Variants in RTN3 observed in about 807,000 individuals in gnomAD.
RTN3 encodes reticulon-3.
In RTN3, 49 loss-of-function variants were observed where a neutral mutation model predicts 77.8. The observed-to-expected ratio is 0.63, with a 90% confidence interval of 0.50 to 0.80. The LOEUF (loss-of-function observed/expected upper bound fraction) is 0.80, where lower values mean the gene tolerates loss of function less well. Among genes scored for constraint, RTN3 ranks in the 30% least tolerant of loss-of-function variants. RTN3 has a pLI of 0.00. For missense variants in RTN3, 1,236 were observed against 1,211.9 expected, an observed-to-expected ratio of 1.02 and a Z score of -0.29; for synonymous variants, 464 against 446.9, an observed-to-expected ratio of 1.04 and a Z score of -0.48.
Position 63,759,103 on chromosome 11 carries a change from A to G in RTN3, c.*902A>G, listed in dbSNP as rs1405941701. 2 of 152,198 alleles carry G rather than the reference A, an allele frequency of 1.3e-5. No individual in the cohort carries two copies. Among genetic ancestry groups the G allele is most frequent in the Admixed American group, 6.5e-5 (1 of 15,280 alleles). 9.4% of individuals were successfully genotyped at this position (152,198 alleles called of 1,614,324 possible). A position where few individuals can be genotyped will look rare whatever the true frequency, so the allele number is the denominator to read the frequency against. On this transcript the variant is annotated 3_prime_UTR_variant, in exon 9 of 9. Transcript: ENST00000377819. ...TGTAAACTTGTTAGAGAAAAAAATA[A>G]CCTGCATGTGGGCTCCTCAGTTATT...
chr11:63,748,859 C>T (rs2013949395), intron 3 of RTN3, among the ~76,000 whole-genome samples: 1 of 151,414 alleles, frequency 6.6e-6, no homozygotes, highest in Admixed American at 6.6e-5. Flanking sequence ...TAGAGACTGG[C>T]TTTTCACCAT....
intron 3 of RTN3, 63 bp downstream of exon 3, chr11:63,721,095 C>T (rs2011758611): frequency 7.1e-7 from 1 of 1,412,078 alleles, no homozygotes; most frequent in Non-Finnish European, 9.6e-7. Flanking sequence ...TATCAGCGTG[C>T]CATTTATGTT....
chr11:63,691,273 A>G (rs949559855), intron 1 of RTN3, among the ~76,000 whole-genome samples: 4 of 151,992 alleles, frequency 2.6e-5, no homozygotes, highest in Non-Finnish European at 5.9e-5. Context: ...GGCATGTGCC[A>G]CCATGCCCAG....
chr11:63,718,930 C>A lies in RTN3; in HGVS notation c.428C>A (p.Ser143Tyr), dbSNP rs2011556656. 1.9e-6 allele frequency: 3 copies of A among 1,614,120 alleles called. No homozygotes were observed. The highest frequency in any genetic ancestry group is 2.5e-6 in the Non-Finnish European group (3 of 1,180,054). The change falls in exon 3 of 9, where the codon TCT becomes TAT. Residue 143 changes from serine (S) to tyrosine (Y), a missense_variant. By Grantham distance (144) the Ser-to-Tyr change is moderately radical. Around this residue, in one of 3 missense-constraint regions of RTN3, gnomAD observed 1,056 missense variants for 990.4 expected, o/e 1.07. Coordinates refer to ENST00000377819, the MANE Select transcript of RTN3 (RefSeq NM_001265589.2). ...GGGACCAGCAACAACGTATCAGACT[C>A]TTCAGTTTCTCTTGCAGCAGGAGTT... ...PQGTSNNVSD[S>Y]SVSLAAGVHC...
intron 1 of RTN3, among the ~76,000 whole-genome samples, chr11:63,685,812 C>T (rs1440946185): frequency 6.6e-6 from 1 of 151,998 alleles, no homozygotes; most frequent in Non-Finnish European, 1.5e-5. Flanking sequence ...GGTTGGTGTC[C>T]TACAGAAAAC....
intron 7 of RTN3, 90 bp from the exon 8 acceptor site, chr11:63,756,022 A>C: frequency 1.1e-6 from 1 of 904,184 alleles, no homozygotes; most frequent in Non-Finnish European, 1.8e-6. Context: ...CGTGTTTAAA[A>C]AATGGTTAAA....
At chr11:63,698,356 G>C (rs1942070729) in intron 1 of RTN3, among the ~76,000 whole-genome samples, 1 of 151,884 alleles carries the variant, frequency 6.6e-6, no homozygotes, top group Non-Finnish European at 1.5e-5. Flanking sequence ...AAACTGCTGA[G>C]GTCAAGCCAT....
intron 1 of RTN3, among the ~76,000 whole-genome samples, chr11:63,692,853 A>G (rs180937397): frequency 6.6e-6 from 1 of 152,184 alleles, no homozygotes; most frequent in East Asian, 1.9e-4. Context: ...TTAAGTTATT[A>G]AAATAAGTAC....
intron 3 of RTN3, among the ~76,000 whole-genome samples, chr11:63,738,773 A>T (rs1404656485): frequency 1.3e-5 from 2 of 152,194 alleles, no homozygotes; most frequent in African/African-American, 2.4e-5. Context: ...AATAAAGTCA[A>T]TTGACTTTTG....
intron 1 of RTN3, among the ~76,000 whole-genome samples, chr11:63,684,129 G>GTTT (rs61663789): frequency 2.7e-3 from 233 of 85,246 alleles, no homozygotes; most frequent in African/African-American, 0.012. Context: ...TTTTCTTTTG[G>GTTT]TTTTTTTTTT....
chr11:63,754,207 A>G (rs2014246520), intron 7 of RTN3, among the ~76,000 whole-genome samples: 1 of 152,196 alleles, frequency 6.6e-6, no homozygotes, highest in Non-Finnish European at 1.5e-5. Flanking sequence ...CAGAGGTTGC[A>G]GTGAGCCGAG....
chr11:63,730,042 C>T (rs2134962555), intron 3 of RTN3, among the ~76,000 whole-genome samples: 1 of 152,318 alleles, frequency 6.6e-6, no homozygotes, highest in South Asian at 2.1e-4. Flanking sequence ...TCTCAGCTCA[C>T]TGCAACCTCT....
chr11:63,719,887 G>GT lies in RTN3; in HGVS notation c.1387dup (p.Ser463PhefsTer12), dbSNP rs1434270590. 1 of 1,614,046 alleles carries GT rather than the reference G, an allele frequency of 6.2e-7. No homozygotes were observed. Among genetic ancestry groups the GT allele is most frequent in the Non-Finnish European group, 8.5e-7 (1 of 1,180,022 alleles). The stretch of plus-strand genomic sequence containing the variant: ...CCACCTGAGAAATGTGACTCTTTGG[G>GT]TTCTGGAGTGGCCACAGTGAAAGTG... On this transcript the variant is annotated frameshift_variant, in exon 3 of 9. Transcript: ENST00000377819. LOFTEE classifies it high-confidence loss of function.
chr11:63,753,161 C>T, intron 6 of RTN3, 23 bp downstream of exon 6: 1 of 1,602,952 alleles, frequency 6.2e-7, no homozygotes, highest in Non-Finnish European at 8.5e-7. Context: ...GGAGAATGTG[C>T]CCATGCTCTT....
At chr11:63,736,280 G>A (rs1286444839) in intron 3 of RTN3, among the ~76,000 whole-genome samples, 1 of 152,168 alleles carries the variant, frequency 6.6e-6, no homozygotes, top group Non-Finnish European at 1.5e-5. Flanking sequence ...ATGGTAGCTT[G>A]CTTCTTCGAA....
At position 63,701,603 on chromosome 11, in the gene RTN3, C is replaced by G. The variant is rs538875861; in HGVS notation, c.143-3248C>G. Among the ~76,000 whole-genome samples, 5 of 152,108 alleles carry G rather than the reference C, an allele frequency of 3.3e-5. No homozygotes were observed. The South Asian group carries it at 6.2e-4, about 19-fold the overall frequency. ...AATCATGCAGAAGACACAGGGGGCA[C>G]AGGCATGTCACATGGCAAAAACAGG... is the stretch of plus-strand genomic sequence containing the variant. On this transcript the variant is annotated intron_variant, in intron 1 of 8. Coordinates refer to ENST00000377819, the MANE Select transcript of RTN3 (RefSeq NM_001265589.2).
chr11:63,691,114 C>CTTTTTTTTTTTTTT (rs796809025), intron 1 of RTN3, among the ~76,000 whole-genome samples: 3 of 91,878 alleles, frequency 3.3e-5, no homozygotes, highest in Non-Finnish European at 6.3e-5. Flanking sequence ...ATTGCTAATT[C>CTTTTTTTTTTTTTT]TTTTTTTTTT....
chr11:63,724,465 G>T (rs111967882), intron 3 of RTN3, among the ~76,000 whole-genome samples: 1,521 of 143,868 alleles, frequency 0.011, 30 homozygotes, highest in African/African-American at 0.035. Flanking sequence ...TTACAGGCGT[G>T]AGCCACCCGT....
At chr11:63,733,878 A>C (rs567891699) in intron 3 of RTN3, among the ~76,000 whole-genome samples, 1 of 152,050 alleles carries the variant, frequency 6.6e-6, no homozygotes, top group East Asian at 1.9e-4. Context: ...GTGACAGAAC[A>C]AGACCTTGCC....
Sources: gnomAD v4.1 joint callset for allele counts (sites outside exome capture counted in the v4.1 genomes callset) on GRCh38, gnomAD v4.1.1 for gene constraint, gnomAD v4.1.1 regional missense constraint, MANE v1.5 for transcripts, NCBI Gene and HGNC (gene_info 2026-07-23, HGNC 2026-07-21) for gene names.